UNC13A: variants seen among roughly 807,000 people sequenced by gnomAD.
The protein encoded by UNC13A is unc-13 homolog A, also known as protein unc-13 homolog A.
In UNC13A, 61 loss-of-function variants were observed where a neutral mutation model predicts 219.7. That is an observed-to-expected ratio of 0.28 (90% CI 0.23 to 0.34). UNC13A has a LOEUF of 0.34. Ranked by LOEUF, UNC13A falls within the 10% of genes least tolerant of loss-of-function variation. UNC13A has a pLI of 1.00. For synonymous variants in UNC13A, 920 were observed against 884.6 expected (o/e 1.04, Z -0.71); for missense variants, 1,476 against 2,270.3 (o/e 0.65, Z 7.11).
At chr19:17,606,641 C>G (rs909905812) in intron 43 of UNC13A, among the ~76,000 whole-genome samples, 1 of 152,158 alleles carries the variant, frequency 6.6e-6, no homozygotes, top group Admixed American at 6.5e-5. Context: ...TCCCGCCCCT[C>G]AGACACCGCC....
Position 17,674,419 on chromosome 19 carries a change from C to G in UNC13A, c.152+238G>C, listed in dbSNP as rs1204391008. Among the ~76,000 whole-genome samples the G allele has an allele frequency of 1.3e-5, 2 of 152,158 alleles. No homozygotes were observed. Among genetic ancestry groups the G allele is most frequent in the Non-Finnish European group, 2.9e-5 (2 of 68,030 alleles). On this transcript the variant is annotated intron_variant, in intron 3 of 43. Coordinates refer to ENST00000519716, the MANE Select transcript of UNC13A (RefSeq NM_001080421.3). This position sits in a 1 kb window ranked among gnomAD's most constrained non-coding sequence, Gnocchi z 5.0. ...AACAGATTGTAGGAGGTGGATGGCA[C>G]AGGAGGCCAGGGCGGAGGCTGGCGG...
chr19:17,646,260 G>GT (rs1171602419), intron 17 of UNC13A, 149 bp from the exon 18 acceptor site: 6 of 910,554 alleles, frequency 6.6e-6, no homozygotes, highest in South Asian at 1.8e-5. Flanking sequence ...TGCCAGAGAG[G>GT]TTTTTTGTGT....
chr19:17,668,291 G>A lies in UNC13A; in HGVS notation c.395-101C>T. Reference sequence around the variant, plus strand: ...CTCCACCCGGGCCCTGGCTTCTGGGGTCTTTGGCAAAGCCTCAGAAGTAGG... The same window carrying A: ...CTCCACCCGGGCCCTGGCTTCTGGGATCTTTGGCAAAGCCTCAGAAGTAGG... On this transcript the variant is annotated intron_variant, in intron 5 of 43. Transcript: ENST00000519716. The A allele has an allele frequency of 6.9e-6, 8 of 1,162,896 alleles. No homozygotes were observed. In the South Asian group the frequency reaches 9.4e-5, roughly 14 times the overall value. 72.0% of individuals were successfully genotyped at this position (1,162,896 alleles called of 1,614,324 possible).
intron 11 of UNC13A, among the ~76,000 whole-genome samples, chr19:17,653,729 G>A (rs1260995251): frequency 6.6e-6 from 1 of 151,788 alleles, no homozygotes; most frequent in African/African-American, 2.4e-5. Context: ...CTGAGTGCAA[G>A]TGAGCCTCCC....
chr19:17,651,506 G>A (rs1174750634), intron 12 of UNC13A, among the ~76,000 whole-genome samples: 3 of 152,168 alleles, frequency 2.0e-5, no homozygotes, highest in South Asian at 2.1e-4. Flanking sequence ...GATTACAGGC[G>A]TGAGCCACCA....
At chr19:17,686,298 GC>G (rs533722538) in intron 1 of UNC13A, among the ~76,000 whole-genome samples, 24 of 81,854 alleles carry the variant, frequency 2.9e-4, no homozygotes, top group East Asian at 3.5e-3. Context: ...TGAGATCCCC[GC>G]CCCCCCCCCC....
intron 43 of UNC13A, 24 bp from the exon 44 acceptor site, chr19:17,606,378 G>T: frequency 6.5e-7 from 1 of 1,537,588 alleles, no homozygotes; most frequent in Non-Finnish European, 8.7e-7. Flanking sequence ...GGCGGAACGT[G>T]AGACAGGCCA....
chr19:17,623,934 G>T (rs984851330), intron 35 of UNC13A, among the ~76,000 whole-genome samples: 2 of 151,990 alleles, frequency 1.3e-5, no homozygotes, highest in African/African-American at 4.8e-5. Flanking sequence ...ATCGGTCCTG[G>T]TCTCTGGATG....
rs899242086 is a variant in UNC13A at position 17,688,260 on chromosome 19, C to A, written c.-61G>T. On this transcript the variant is annotated 5_prime_UTR_variant, in exon 1 of 44. Transcript: ENST00000519716. ...GCCGGCTCTGTCGGGTCGGGCTCAG[C>A]GGCCGCTGGGCTGGGGCATCTCCCG... 8.5e-6 allele frequency: 12 copies of A among 1,411,480 alleles called. No homozygotes were observed. The highest frequency in any genetic ancestry group is 1.1e-5 in the Non-Finnish European group (12 of 1,082,932). 87.4% of individuals were successfully genotyped at this position (1,411,480 alleles called of 1,614,324 possible).
chr19:17,617,626 AATGGCAGCCGTTCAG>A, intron 41 of UNC13A, 61 bp downstream of exon 41: 1 of 1,578,092 alleles, frequency 6.3e-7, no homozygotes, highest in Non-Finnish European at 8.7e-7. Context: ...GGAGTGAGCC[AATGGCAGCCGTTCAG>A]GCTTGGGGCG....
In UNC13A at chr19:17,605,780, A is replaced by T; in HGVS notation, c.*274T>A. 2 of 392,090 alleles carry T rather than the reference A, an allele frequency of 5.1e-6. No homozygotes were observed. Among genetic ancestry groups the T allele is most frequent in the Non-Finnish European group, 9.0e-6 (2 of 221,982 alleles). The allele number at this position is 392,090 out of a possible 1,614,324, so 24.3% of individuals were successfully genotyped here. ...CGAGGTTTCCCCCATCCCAGCTCAA[A>T]ATGCCCCCTAGGTGCTGGGGGCGTG... On this transcript the variant is annotated 3_prime_UTR_variant, in exon 44 of 44. Transcript: ENST00000519716.
chr19:17,665,878 C>T (rs962709898), intron 7 of UNC13A, among the ~76,000 whole-genome samples: 1 of 152,082 alleles, frequency 6.6e-6, no homozygotes, highest in Non-Finnish European at 1.5e-5. Flanking sequence ...TCCAACAGCC[C>T]TCAGAGTGAG....
At chr19:17,660,510 G>T (rs6512207) in intron 8 of UNC13A, among the ~76,000 whole-genome samples, 10,121 of 141,482 alleles carry the variant, frequency 0.072, 888 homozygotes, top group East Asian at 0.31. Context: ...TTGGTGTTTT[G>T]TTTTGTTTGT....
intron 25 of UNC13A, among the ~76,000 whole-genome samples, chr19:17,637,206 C>T (rs573727269): frequency 2.0e-5 from 3 of 152,166 alleles, no homozygotes; most frequent in African/African-American, 7.2e-5. Context: ...AGCTCCTGGC[C>T]TCAAGGGATC....
chr19:17,643,170 C>T (rs928643612), intron 19 of UNC13A, among the ~76,000 whole-genome samples: 1 of 152,084 alleles, frequency 6.6e-6, no homozygotes, highest in African/African-American at 2.4e-5. Context: ...TGCCACCGTG[C>T]CCAGCTAATT....
At chr19:17,667,138 T>C (rs12976175) in intron 6 of UNC13A, among the ~76,000 whole-genome samples, 126,739 of 151,632 alleles carry the variant, frequency 0.84, 53,675 homozygotes, top group Middle Eastern at 0.92. Context: ...GTAGTCCCAG[T>C]TACCCGGGAG....
chr19:17,617,090 C>T (rs2076674595), intron 41 of UNC13A, among the ~76,000 whole-genome samples: 2 of 152,180 alleles, frequency 1.3e-5, no homozygotes, highest in Admixed American at 1.3e-4. Context: ...TCAATCATTC[C>T]TTAGCCCCAT....
intron 28 of UNC13A, 104 bp from the exon 29 acceptor site, chr19:17,630,854 C>T: frequency 9.9e-7 from 1 of 1,014,860 alleles, no homozygotes; most frequent in Non-Finnish European, 1.5e-6. Context: ...GCTGCTCCTG[C>T]TCTGCCTGGA....
chr19:17,647,869 C>T (rs1478846484), intron 16 of UNC13A, among the ~76,000 whole-genome samples: 1 of 141,266 alleles, frequency 7.1e-6, no homozygotes, highest in Non-Finnish European at 1.5e-5. Context: ...CCTCTGAGTC[C>T]CGCTGCCTCT....
Sources: gnomAD v4.1 joint callset for allele counts (sites outside exome capture counted in the v4.1 genomes callset) on GRCh38, gnomAD v4.1.1 for gene constraint, Gnocchi (gnomAD v3.1) non-coding constraint, MANE v1.5 for transcripts, NCBI Gene and HGNC (gene_info 2026-07-23, HGNC 2026-07-21) for gene names.